The following APBA3 variants were observed in gnomAD, a reference collection of about 807,000 sequenced individuals.
APBA3 encodes amyloid-beta A4 precursor protein-binding family A member 3.
In APBA3, 45 loss-of-function variants were observed where a neutral mutation model predicts 55.9. That is an observed-to-expected ratio of 0.80 (90% CI 0.63 to 1.03). APBA3 has a LOEUF of 1.03. Among genes scored for constraint, APBA3 ranks in the 50% least tolerant of loss-of-function variants. APBA3 has a pLI of 0.00. For missense variants in APBA3, 865 were observed against 820.3 expected, an observed-to-expected ratio of 1.05 and a Z score of -0.67; for synonymous variants, 370 against 353.3, an observed-to-expected ratio of 1.05 and a Z score of -0.53.
rs771306327 is a variant in APBA3, at chr19:3,752,626, A to C, written c.1277T>G (p.Leu426Arg). ...SLLPTAVIANLLHGGPAERSG... is the reference protein window; with the variant it reads ...SLLPTAVIANRLHGGPAERSG... The stretch of plus-strand genomic sequence containing the variant: ...GCGCTCAGCAGGCCCCCCGTGCAGC[A>C]GGTTGGCGATGACGGCTGTGGGCAG... The change falls in exon 8 of 11, where the codon CTG (leucine) becomes CGG (arginine). Residue 426 changes from leucine (L) to arginine (R), a missense_variant. Leu to Arg is a moderately radical substitution (Grantham distance 102). Coordinates refer to ENST00000316757, the MANE Select transcript of APBA3 (RefSeq NM_004886.4). The C allele has an allele frequency of 6.3e-7, 1 of 1,588,580 alleles. No homozygotes were observed.
At chr19:3,761,086 G>T (rs2037141104) in intron 1 of APBA3, among the ~76,000 whole-genome samples, 1 of 152,060 alleles carries the variant, frequency 6.6e-6, no homozygotes, top group Non-Finnish European at 1.5e-5. Context: ...CCACAGAATG[G>T]GGAGGTGTGA....
intron 3 of APBA3, 169 bp from the exon 4 acceptor site, chr19:3,754,509 G>T: frequency 1.2e-6 from 1 of 852,022 alleles, no homozygotes; most frequent in Non-Finnish European, 1.7e-6. Flanking sequence ...AAGCAGCCTG[G>T]CCCTCACAGG....
chr19:3,760,199 C>G lies in APBA3; in HGVS notation c.66G>C (p.Arg22Ser), dbSNP rs1206072140. Residue 22 changes from arginine (R) to serine (S), a missense_variant, in exon 2 of 11, where the codon AGG becomes AGC. Coordinates refer to ENST00000316757, the MANE Select transcript of APBA3 (RefSeq NM_004886.4). ...GGTCCTCCGAAGGCACAAGAATGTC[C>G]CTGGGCCCCTCCAAGTCCATGGCTG... ...GPPAMDLEGPRDILVPSEDLT... is the reference protein window; with the variant it reads ...GPPAMDLEGPSDILVPSEDLT... 6.2e-7 allele frequency: 1 copy of G among 1,612,520 alleles called. No homozygotes were observed. The highest frequency in any genetic ancestry group is 8.5e-7 in the Non-Finnish European group (1 of 1,179,962).
In APBA3 at chr19:3,760,047, C is replaced by T; in HGVS notation, c.218G>A (p.Gly73Asp). 6.2e-7 allele frequency: 1 copy of T among 1,613,238 alleles called. No individual in the cohort carries two copies. Among genetic ancestry groups the T allele is most frequent in the Non-Finnish European group, 8.5e-7 (1 of 1,180,018 alleles). Residue 73 changes from glycine to aspartate, a missense_variant, in exon 2 of 11, where the codon GGC (glycine) becomes GAC (aspartate). Physicochemically the swap from Gly to Asp is moderately conservative, Grantham distance 94. Transcript: ENST00000316757. ...QFEALPGDLV[G>D]PSPGGAPCPL... is the part of the protein sequence containing the mutation. ...ACAGGGGGCTCCACCTGGGGATGGGCCCACCAGATCGCCTGGCAGAGCTTC... is the reference window on the plus strand; with the variant it reads ...ACAGGGGGCTCCACCTGGGGATGGGTCCACCAGATCGCCTGGCAGAGCTTC...
Position 3,750,786 on chromosome 19 carries a change from CT to C in APBA3, c.*239del. ...ACAACCTTACCTCCCTCCGCCTGGT[CT>C]TTAATAAACAGAGTATTTTCACAGC... On this transcript the variant is annotated 3_prime_UTR_variant, in exon 11 of 11. Coordinates refer to ENST00000316757, the MANE Select transcript of APBA3 (RefSeq NM_004886.4). 1 of 1,098,452 alleles carries C rather than the reference CT, an allele frequency of 9.1e-7. No individual in the cohort carries two copies. 68.0% of individuals were successfully genotyped at this position (1,098,452 alleles called of 1,614,324 possible). A position where few individuals can be genotyped will look rare whatever the true frequency, so the allele number is the denominator to read the frequency against.
chr19:3,753,693 G>C (rs192832754), intron 6 of APBA3, 72 bp downstream of exon 6: 19 of 1,355,238 alleles, frequency 1.4e-5, no homozygotes, highest in Non-Finnish European at 1.8e-5. Flanking sequence ...TTAAATGCAC[G>C]GCCCACTGAG....
intron 3 of APBA3, among the ~76,000 whole-genome samples, chr19:3,759,016 G>A (rs1203435836): frequency 2.0e-5 from 3 of 152,026 alleles, no homozygotes; most frequent in Non-Finnish European, 2.9e-5. Context: ...GAGCTCAGGA[G>A]TTTGAAACCA....
chr19:3,753,096 G>A, intron 6 of APBA3, 106 bp from the exon 7 acceptor site: 1 of 1,295,706 alleles, frequency 7.7e-7, no homozygotes, highest in East Asian at 2.4e-5. Context: ...CACCTGGGGT[G>A]AGAGTCCCAG....
At chr19:3,756,066 CGTCATTCACT>C (rs2037077328) in intron 3 of APBA3, 1 of 152,142 alleles carries the variant, frequency 6.6e-6, no homozygotes, top group African/African-American at 2.4e-5. Context: ...TAGAGAGATA[CGTCATTCACT>C]GTGGTAGCCA....
At position 3,759,855 on chromosome 19, in the gene APBA3, C is replaced by CG. The variant is rs747657236; in HGVS notation, c.409dup (p.Arg137ProfsTer7). ...TGGGTCCTCAGGGGGCTGCAACAGT[C>CG]GGGGGGCAGGCTCTAGAGGCTCTTC... On this transcript the variant is annotated frameshift_variant, in exon 2 of 11. Transcript: ENST00000316757. LOFTEE classifies it high-confidence loss of function. 5 of 1,612,424 alleles carry CG rather than the reference C, an allele frequency of 3.1e-6. No individual in the cohort carries two copies. The highest frequency in any genetic ancestry group is 1.3e-5 in the African/African-American group (1 of 74,962).
intron 3 of APBA3, among the ~76,000 whole-genome samples, chr19:3,757,366 C>T (rs989324559): frequency 2.0e-5 from 3 of 152,122 alleles, no homozygotes; most frequent in African/African-American, 7.2e-5. Context: ...ATCAGCCTTT[C>T]AAAGTGTTGG....
Position 3,757,492 on chromosome 19 carries a change from G to C in APBA3, c.616+2069C>G, listed in dbSNP as rs568976123. Among the ~76,000 whole-genome samples the C allele has an allele frequency of 2.2e-3, 336 of 152,258 alleles. 2 individuals are homozygous for C. The highest frequency in any genetic ancestry group is 7.7e-3 in the African/African-American group (322 of 41,568). The stretch of plus-strand genomic sequence containing the variant: ...CTCACACCTGTAATCCCAGCATTTT[G>C]GGAGGCCGAGGCGGGTGGATCACAA... On this transcript the variant is annotated intron_variant, in intron 3 of 10. Coordinates refer to ENST00000316757, the MANE Select transcript of APBA3 (RefSeq NM_004886.4).
At chr19:3,757,961 G>C (rs534251838) in intron 3 of APBA3, among the ~76,000 whole-genome samples, 1 of 152,264 alleles carries the variant, frequency 6.6e-6, no homozygotes, top group East Asian at 1.9e-4. Flanking sequence ...TAGAGACAGA[G>C]TCTCACTCTA....
chr19:3,751,446 C>T lies in APBA3; in HGVS notation c.1503G>A (p.Val501=), dbSNP rs764957695. The T allele has an allele frequency of 9.7e-6, 15 of 1,540,006 alleles. No homozygotes were observed. Among genetic ancestry groups the T allele is most frequent in the Middle Eastern group, 2.3e-4 (1 of 4,394 alleles). The change falls in exon 9 of 11, where the codon GTG becomes GTA. Residue 501 remains valine, a synonymous_variant. Transcript: ENST00000316757. ...GCCGGGGCCTCACGATGCCGTCCTC[C>T]ACGCAGAAGCCCAGCTGCTCGCGGG... The part of the protein sequence containing the change: ...PHAREQLGFC[V]EDGIICSLLR...
chr19:3,760,058 G>A lies in APBA3; in HGVS notation c.207C>T (p.Gly69=), dbSNP rs61729800. ...CACCTGGGGATGGGCCCACCAGATC[G>A]CCTGGCAGAGCTTCAAACTGCTGCA... The part of the protein sequence containing the change: ...ELVQQFEALP[G]DLVGPSPGGA... The change falls in exon 2 of 11, where the codon GGC becomes GGT. Residue 69 remains glycine, a synonymous_variant. Coordinates refer to ENST00000316757, the MANE Select transcript of APBA3 (RefSeq NM_004886.4). 4.9e-3 allele frequency: 7,855 copies of A among 1,613,214 alleles called. 262 individuals are homozygous for A. The African/African-American group carries it at 0.087, about 18-fold the overall frequency.
intron 6 of APBA3, chr19:3,753,399 T>G: frequency 2.9e-6 from 1 of 342,532 alleles, no homozygotes; most frequent in Non-Finnish European, 5.3e-6. Flanking sequence ...TTGCAGCACT[T>G]TGGGAGGCTG....
In APBA3 at chr19:3,754,706, G is replaced by A. The variant is rs180811743; in HGVS notation, c.617-366C>T. 431 of 197,014 alleles carry A rather than the reference G, an allele frequency of 2.2e-3. 1 individual carries two copies. The highest frequency in any genetic ancestry group is 9.4e-3 in the African/African-American group (399 of 42,494). The allele number at this position is 197,014 out of a possible 1,614,324, so 12.2% of individuals were successfully genotyped here. A position where few individuals can be genotyped will look rare whatever the true frequency, so the allele number is the denominator to read the frequency against. ...TTTTGAGACACGGTCTCGCTCTGTC[G>A]CCCAGGCTGGAGCTCGGTGGTGTGA... On this transcript the variant is annotated intron_variant, in intron 3 of 10. Transcript: ENST00000316757.
intron 6 of APBA3, 181 bp from the exon 7 acceptor site, chr19:3,753,171 C>G: frequency 2.9e-6 from 2 of 683,902 alleles, no homozygotes; most frequent in Non-Finnish European, 4.8e-6. Context: ...GGGGAATCTA[C>G]GGGGAGAAGG....
rs746978335 is a variant in APBA3 at position 3,759,641 on chromosome 19, C to T, written c.577-41G>A. 4 of 1,604,260 alleles carry T rather than the reference C, an allele frequency of 2.5e-6. No homozygotes were observed. In the Admixed American group the frequency reaches 7.1e-5, roughly 28 times the overall value. On this transcript the variant is annotated intron_variant, in intron 2 of 10. Transcript: ENST00000316757. ...GGAGGGGCAGGACTGAGTCTCCCTGCTTGGTTCCAGGCAGTCCAGGATGCC... is the reference window on the plus strand; with the variant it reads ...GGAGGGGCAGGACTGAGTCTCCCTGTTTGGTTCCAGGCAGTCCAGGATGCC...
Sources: gnomAD v4.1 joint callset for allele counts (sites outside exome capture counted in the v4.1 genomes callset) on GRCh38, gnomAD v4.1.1 for gene constraint, MANE v1.5 for transcripts, NCBI Gene and HGNC (gene_info 2026-07-23, HGNC 2026-07-21) for gene names.